Variants in ZBTB7C observed in about 807,000 individuals in gnomAD.
The protein encoded by ZBTB7C is zinc finger and BTB domain containing 7C, also known as zinc finger and BTB domain-containing protein 7C.
ZBTB7C carries 8 observed loss-of-function variants against 25.7 expected under a neutral mutation model. That is an observed-to-expected ratio of 0.31 (90% CI 0.18 to 0.56). The LOEUF is 0.56. Among genes scored for constraint, ZBTB7C ranks in the 20% least tolerant of loss-of-function variants. ZBTB7C has a pLI of 0.91. For synonymous variants in ZBTB7C, 394 were observed against 369.0 expected, an observed-to-expected ratio of 1.07 and a Z score of -0.78; for missense variants, 824 against 855.2, an observed-to-expected ratio of 0.96 and a Z score of 0.46.
chr18:48,266,628 A>G (rs981102540), intron 2 of ZBTB7C, among the ~76,000 whole-genome samples: 7 of 152,214 alleles, frequency 4.6e-5, no homozygotes, highest in African/African-American at 1.4e-4. Flanking sequence ...TGAGCTGTCC[A>G]CACAACCCCC....
chr18:48,181,974 G>T (rs994451565), intron 3 of ZBTB7C, among the ~76,000 whole-genome samples: 1 of 152,070 alleles, frequency 6.6e-6, no homozygotes, highest in Non-Finnish European at 1.5e-5. Context: ...ACCAGACATC[G>T]TATAATCCAA....
Position 48,194,566 on chromosome 18 carries a change from G to A in ZBTB7C, c.-78-8571C>T, listed in dbSNP as rs79696019. Among the ~76,000 whole-genome samples, 14 of 152,162 alleles carry A rather than the reference G, an allele frequency of 9.2e-5. No individual in the cohort carries two copies. In the East Asian group the frequency reaches 1.7e-3, roughly 19 times the overall value. On this transcript the variant is annotated intron_variant, in intron 2 of 4. Coordinates refer to ENST00000590800, the MANE Select transcript of ZBTB7C (RefSeq NM_001318841.2). ...TCCCAGGGGCAGCAGAGTAAACAGA[G>A]GCTTGCAGGATGGGGAGGATTTGGA...
chr18:48,169,037 C>A (rs891410529), intron 3 of ZBTB7C, among the ~76,000 whole-genome samples: 1 of 152,202 alleles, frequency 6.6e-6, no homozygotes, highest in African/African-American at 2.4e-5. Flanking sequence ...CTTGCCCTGT[C>A]CCCAAGGGGG....
At chr18:48,072,304 A>G (rs970602567) in intron 3 of ZBTB7C, among the ~76,000 whole-genome samples, 6 of 152,246 alleles carry the variant, frequency 3.9e-5, no homozygotes, top group Admixed American at 2.6e-4. Context: ...AAAAATACCC[A>G]TGCTACAAAA....
intron 3 of ZBTB7C, among the ~76,000 whole-genome samples, chr18:48,065,247 C>T (rs1465999284): frequency 6.6e-6 from 1 of 152,080 alleles, no homozygotes; most frequent in Non-Finnish European, 1.5e-5. Context: ...TGCTTATTTG[C>T]AACTATGAAC....
At chr18:48,123,683 C>G (rs1412208933) in intron 3 of ZBTB7C, among the ~76,000 whole-genome samples, 1 of 152,170 alleles carries the variant, frequency 6.6e-6, no homozygotes, top group Admixed American at 6.5e-5. Flanking sequence ...ACAGGGAAAA[C>G]AATACTGAAA....
intron 3 of ZBTB7C, among the ~76,000 whole-genome samples, chr18:48,091,807 G>T (rs1383154881): frequency 1.3e-5 from 2 of 152,150 alleles, no homozygotes; most frequent in Admixed American, 1.3e-4. Context: ...CTTAAGAAAG[G>T]TGCCACTTCA....
At chr18:48,311,124 G>A (rs889089143) in intron 2 of ZBTB7C, among the ~76,000 whole-genome samples, 1 of 152,126 alleles carries the variant, frequency 6.6e-6, no homozygotes, top group Admixed American at 6.5e-5. Flanking sequence ...AAACCCAGGG[G>A]TAGGCATCTC....
intron 3 of ZBTB7C, among the ~76,000 whole-genome samples, chr18:48,128,351 T>G (rs755186530): frequency 6.6e-6 from 1 of 152,220 alleles, no homozygotes; most frequent in Non-Finnish European, 1.5e-5. Flanking sequence ...ACTGGCCCCA[T>G]GCACTGCCCA....
chr18:48,141,143 A>ACCCCCCCCCCCC (rs201273460), intron 3 of ZBTB7C, among the ~76,000 whole-genome samples: 8 of 96,082 alleles, frequency 8.3e-5, no homozygotes, highest in East Asian at 3.3e-4. Context: ...TCCCCCCCGC[A>ACCCCCCCCCCCC]CCACCCCCCC....
At chr18:48,164,400 AC>A (rs1398798940) in intron 3 of ZBTB7C, among the ~76,000 whole-genome samples, 4 of 152,140 alleles carry the variant, frequency 2.6e-5, no homozygotes, top group Non-Finnish European at 5.9e-5. Context: ...CTTTTGGCAA[AC>A]ATGCACATAC....
At chr18:48,216,094 C>T (rs1254974635) in intron 2 of ZBTB7C, among the ~76,000 whole-genome samples, 3 of 152,112 alleles carry the variant, frequency 2.0e-5, no homozygotes, top group South Asian at 2.1e-4. Flanking sequence ...ACTAGTTTTT[C>T]GGGTTTCTAT....
intron 3 of ZBTB7C, among the ~76,000 whole-genome samples, chr18:48,116,035 A>G (rs1412008692): frequency 6.6e-6 from 1 of 152,086 alleles, no homozygotes; most frequent in Non-Finnish European, 1.5e-5. Context: ...CTATATATAC[A>G]TGCTACAGAT....
intron 3 of ZBTB7C, chr18:48,165,598 G>C (rs1478357836): frequency 6.3e-6 from 1 of 158,980 alleles, no homozygotes; most frequent in Non-Finnish European, 1.4e-5. Flanking sequence ...GTCCCTCACC[G>C]CCACCGCCCC....
intron 2 of ZBTB7C, among the ~76,000 whole-genome samples, chr18:48,309,709 C>G (rs1043261729): frequency 6.6e-6 from 1 of 152,166 alleles, no homozygotes. Context: ...AAAGGACAAC[C>G]CTTTTAAGAG....
At chr18:48,100,604 C>T (rs1286132492) in intron 3 of ZBTB7C, among the ~76,000 whole-genome samples, 1 of 152,114 alleles carries the variant, frequency 6.6e-6, no homozygotes, top group Non-Finnish European at 1.5e-5. Flanking sequence ...GCCTTAATTG[C>T]TAGACAGACA....
At chr18:48,034,216 G>A (rs2035875200) in intron 4 of ZBTB7C, among the ~76,000 whole-genome samples, 2 of 152,104 alleles carry the variant, frequency 1.3e-5, no homozygotes, top group Admixed American at 1.3e-4. Context: ...CCTTAGCATG[G>A]CTTTCTGGGC....
At chr18:48,114,916 A>C (rs1157113185) in intron 3 of ZBTB7C, among the ~76,000 whole-genome samples, 4 of 152,226 alleles carry the variant, frequency 2.6e-5, no homozygotes, top group Admixed American at 2.6e-4. Flanking sequence ...TTTTGGGAAA[A>C]TATGTATATA....
chr18:48,228,678 G>A (rs886168948), intron 2 of ZBTB7C, among the ~76,000 whole-genome samples: 1 of 151,800 alleles, frequency 6.6e-6, no homozygotes, highest in African/African-American at 2.4e-5. Flanking sequence ...AGGAGGCTCT[G>A]AGTAGAAGCA....
Sources: allele counts gnomAD v4.1 joint callset (sites outside exome capture counted in the v4.1 genomes callset), GRCh38; gene constraint gnomAD v4.1.1; transcripts MANE v1.5; gene names NCBI Gene and HGNC (gene_info 2026-07-23, HGNC 2026-07-21).